Variants in C8orf76 observed in about 807,000 individuals in gnomAD.
C8orf76 encodes the protein uncharacterized protein C8orf76.
C8orf76 carries 46 observed loss-of-function variants against 38.1 expected under a neutral mutation model. The observed-to-expected ratio is 1.21, with a 90% CI of 0.95 to 1.54. C8orf76 has a LOEUF of 1.54. Among genes scored for constraint, C8orf76 ranks in the 40% most tolerant of loss-of-function variants. The pLI, the probability that C8orf76 is intolerant of heterozygous loss-of-function variation, is 0.00. For synonymous variants in C8orf76, 166 were observed against 167.5 expected, an observed-to-expected ratio of 0.99 and a Z score of 0.07; for missense variants, 461 against 441.6, an observed-to-expected ratio of 1.04 and a Z score of -0.39.
Position 123,220,051 on chromosome 8 carries a change from A to C in C8orf76, c.*52T>G. Reference sequence around the variant, plus strand: ...GCAATGGATCCTGTCTGAAGTAAACAAGGACAATTAATACAGTACAAGATA... The same window carrying C: ...GCAATGGATCCTGTCTGAAGTAAACCAGGACAATTAATACAGTACAAGATA... On this transcript the variant is annotated 3_prime_UTR_variant, in exon 6 of 6. Transcript: ENST00000276704. The C allele has an allele frequency of 9.2e-7, 1 of 1,085,806 alleles. No homozygotes were observed. The allele number at this position is 1,085,806 out of a possible 1,614,324, so 67.3% of individuals were successfully genotyped here.
chr8:123,222,200 G>T (rs2131129842), intron 5 of C8orf76, among the ~76,000 whole-genome samples: 1 of 151,828 alleles, frequency 6.6e-6, no homozygotes, highest in East Asian at 2.0e-4. Context: ...TGTTACCCAG[G>T]ATGGTCTTGA....
At chr8:123,239,310 C>G (rs1825599953) in intron 1 of C8orf76, 166 bp from the exon 2 acceptor site, 3 of 628,178 alleles carry the variant, frequency 4.8e-6, no homozygotes, top group Non-Finnish European at 7.9e-6. Context: ...CTGCCTCTGC[C>G]CACCTTGGCC....
intron 5 of C8orf76, among the ~76,000 whole-genome samples, chr8:123,220,609 G>A (rs1824873948): frequency 6.6e-6 from 1 of 152,138 alleles, no homozygotes; most frequent in African/African-American, 2.4e-5. Context: ...GTACTATTTG[G>A]CTTACCAGGA....
intron 3 of C8orf76, 22 bp from the exon 4 acceptor site, chr8:123,231,779 T>C: frequency 6.5e-7 from 1 of 1,535,532 alleles, no homozygotes; most frequent in Non-Finnish European, 8.7e-7. Context: ...AAAAAAAGGT[T>C]AAGAAGTTTA....
intron 2 of C8orf76, among the ~76,000 whole-genome samples, chr8:123,238,169 A>G (rs1366227388): frequency 6.6e-6 from 1 of 152,114 alleles, no homozygotes; most frequent in African/African-American, 2.4e-5. Context: ...TAACCCCCAC[A>G]TGTTGTGGGA....
intron 4 of C8orf76, among the ~76,000 whole-genome samples, chr8:123,230,940 G>A (rs550358593): frequency 1.1e-4 from 17 of 152,034 alleles, no homozygotes; most frequent in Admixed American, 3.3e-4. Context: ...GAGCCACCGC[G>A]CCCGGCCCGC....
In C8orf76 at chr8:123,238,951, T is replaced by C; in HGVS notation, c.213+98A>G. ...CACACATCACAAAAGATTAAACTCATCTTCATAAACACCACACTAACTTGG... is the reference window on the plus strand; with the variant it reads ...CACACATCACAAAAGATTAAACTCACCTTCATAAACACCACACTAACTTGG... On this transcript the variant is annotated intron_variant, in intron 2 of 5. Coordinates refer to ENST00000276704, the MANE Select transcript of C8orf76 (RefSeq NM_032847.3). The C allele has an allele frequency of 2.4e-6, 3 of 1,252,734 alleles. No individual in the cohort carries two copies. In the South Asian group the frequency reaches 3.9e-5, roughly 16 times the overall value. 77.6% of individuals were successfully genotyped at this position (1,252,734 alleles called of 1,614,324 possible). A position where few individuals can be genotyped will look rare whatever the true frequency, so the allele number is the denominator to read the frequency against.
chr8:123,237,020 AAGG>A, intron 3 of C8orf76: 1 of 1,486,990 alleles, frequency 6.7e-7, no homozygotes, highest in Non-Finnish European at 9.4e-7. Context: ...CAACATCCAG[AAGG>A]AGTCCACCCT....
chr8:123,221,090 G>C (rs1824885520), intron 5 of C8orf76, among the ~76,000 whole-genome samples: 1 of 152,162 alleles, frequency 6.6e-6, no homozygotes, highest in South Asian at 2.1e-4. Context: ...TATTGAATGT[G>C]TTCATGAAAA....
chr8:123,239,383 T>G (rs1443793984), intron 1 of C8orf76: 3 of 385,056 alleles, frequency 7.8e-6, no homozygotes, highest in African/African-American at 4.0e-5. Context: ...TTCTTTAAAA[T>G]GAGACATGCT....
chr8:123,236,162 T>C (rs1275526718), intron 3 of C8orf76, among the ~76,000 whole-genome samples: 1 of 152,204 alleles, frequency 6.6e-6, no homozygotes, highest in Non-Finnish European at 1.5e-5. Context: ...AGTGAAGGCT[T>C]AAGCAAACAA....
intron 1 of C8orf76, among the ~76,000 whole-genome samples, chr8:123,240,731 G>A (rs995965272): frequency 6.6e-6 from 1 of 152,218 alleles, no homozygotes; most frequent in South Asian, 2.1e-4. Context: ...GCTGGAAGAC[G>A]AAATCAGAAA....
chr8:123,223,305 A>C (rs1824936363), intron 5 of C8orf76, among the ~76,000 whole-genome samples: 2 of 152,350 alleles, frequency 1.3e-5, no homozygotes, highest in South Asian at 4.1e-4. Flanking sequence ...ATATACCCAA[A>C]AGAATTAAAA....
At chr8:123,232,754 A>G (rs1825317608) in intron 3 of C8orf76, among the ~76,000 whole-genome samples, 1 of 152,230 alleles carries the variant, frequency 6.6e-6, no homozygotes, top group South Asian at 2.1e-4. Flanking sequence ...CTTCCCAAAG[A>G]CAGAACACAT....
At chr8:123,237,201 C>T (rs1825527145) in intron 3 of C8orf76, 4 of 662,962 alleles carry the variant, frequency 6.0e-6, no homozygotes, top group South Asian at 3.3e-5. Flanking sequence ...ACCTGTACCC[C>T]AAGACGAAGG....
intron 5 of C8orf76, among the ~76,000 whole-genome samples, chr8:123,224,579 C>T (rs537032196): frequency 6.6e-6 from 1 of 152,254 alleles, no homozygotes; most frequent in African/African-American, 2.4e-5. Context: ...GCACTGCAGC[C>T]TAGCCTGAGT....
intron 3 of C8orf76, among the ~76,000 whole-genome samples, chr8:123,232,457 A>G (rs745394227): frequency 4.7e-4 from 71 of 152,236 alleles, no homozygotes; most frequent in Non-Finnish European, 9.1e-4. Context: ...CTGGGTTAGT[A>G]AAAACAGGCC....
chr8:123,226,322 A>G, intron 5 of C8orf76, 178 bp downstream of exon 5: 1 of 1,452,346 alleles, frequency 6.9e-7, no homozygotes, highest in Non-Finnish European at 9.0e-7. Flanking sequence ...CGCACGCTGC[A>G]GGGGAATGCC....
chr8:123,237,970 G>T (rs779318970), intron 2 of C8orf76, 29 bp from the exon 3 acceptor site: 2 of 1,596,502 alleles, frequency 1.3e-6, no homozygotes, highest in African/African-American at 1.3e-5. Context: ...ATAAAGAAAT[G>T]AAAGGAGGAA....
Sources: gnomAD v4.1 joint callset for allele counts (sites outside exome capture counted in the v4.1 genomes callset) on GRCh38, gnomAD v4.1.1 for gene constraint, MANE v1.5 for transcripts, NCBI Gene and HGNC (gene_info 2026-07-23, HGNC 2026-07-21) for gene names.